The following ANO6 variants were observed in gnomAD, a reference collection of about 807,000 sequenced individuals.
ANO6 encodes the protein anoctamin 6, also known as anoctamin-6.
Under a neutral mutation model 117.5 loss-of-function variants are expected in ANO6, and 106 were observed. That is an observed-to-expected ratio of 0.90 (90% confidence interval 0.77 to 1.06). The LOEUF (loss-of-function observed/expected upper bound fraction) is 1.06. Among genes scored for constraint, ANO6 ranks in the 50% least tolerant of loss-of-function variants. The probability of loss-of-function intolerance (pLI) is 0.00; values close to 1 mark genes in which losing one functional copy is unlikely to be tolerated. For missense variants in ANO6, 955 were observed against 1,121.1 expected (o/e 0.85, Z 2.12); for synonymous variants, 367 against 385.1 (o/e 0.95, Z 0.55).
At chr12:45,402,834 G>C (rs996634292) in intron 13 of ANO6, among the ~76,000 whole-genome samples, 1 of 152,144 alleles carries the variant, frequency 6.6e-6, no homozygotes, top group African/African-American at 2.4e-5. Context: ...TTTTTGTGGG[G>C]CAGGGGGGAA....
At chr12:45,395,476 C>T (rs1286208327) in intron 12 of ANO6, among the ~76,000 whole-genome samples, 1 of 152,122 alleles carries the variant, frequency 6.6e-6, no homozygotes, top group Non-Finnish European at 1.5e-5. Flanking sequence ...AGGGAATCCT[C>T]CCTAACTCAT....
intron 1 of ANO6, among the ~76,000 whole-genome samples, chr12:45,231,132 G>C (rs1947567462): frequency 6.6e-6 from 1 of 152,010 alleles, no homozygotes; most frequent in South Asian, 2.1e-4. Context: ...ATTCTAAAAT[G>C]TTTAATTTTC....
chr12:45,331,135 G>A (rs1940647180), intron 2 of ANO6, among the ~76,000 whole-genome samples, 160 bp from the exon 3 acceptor site: 1 of 151,806 alleles, frequency 6.6e-6, no homozygotes, highest in South Asian at 2.1e-4. Flanking sequence ...GACCATGTTT[G>A]CCATGTCAGT....
intron 2 of ANO6, among the ~76,000 whole-genome samples, chr12:45,304,635 G>A (rs1024783622): frequency 3.3e-5 from 5 of 152,200 alleles, no homozygotes; most frequent in Non-Finnish European, 5.9e-5. Context: ...AGAGCCTAGT[G>A]TTTTTATACA....
At chr12:45,413,340 G>C (rs546047162) in intron 16 of ANO6, among the ~76,000 whole-genome samples, 1 of 152,156 alleles carries the variant, frequency 6.6e-6, no homozygotes, top group Non-Finnish European at 1.5e-5. Flanking sequence ...AGCAGATGAG[G>C]AATAAAATTA....
rs956684838 is a variant in ANO6, at chr12:45,348,646, A to G, written c.747+15A>G. On this transcript the variant is annotated intron_variant, in intron 6 of 19. Coordinates refer to ENST00000320560, the MANE Select transcript of ANO6 (RefSeq NM_001025356.3). ...CACTCCATGATGTAAGTTAAAAGGC[A>G]AAAATGAACTAAAAGGCCTTCTGTA... 6.3e-7 allele frequency: 1 copy of G among 1,591,362 alleles called. No individual in the cohort carries two copies. Among genetic ancestry groups the G allele is most frequent in the Non-Finnish European group, 8.6e-7 (1 of 1,159,276 alleles).
chr12:45,317,530 A>G (rs1476980005), intron 2 of ANO6, among the ~76,000 whole-genome samples: 1 of 151,812 alleles, frequency 6.6e-6, no homozygotes, highest in Non-Finnish European at 1.5e-5. Flanking sequence ...ATTGTTGGAC[A>G]TTTGGGTTGG....
chr12:45,323,668 T>C (rs1393093726), intron 2 of ANO6, among the ~76,000 whole-genome samples: 1 of 152,150 alleles, frequency 6.6e-6, no homozygotes, highest in Non-Finnish European at 1.5e-5. Flanking sequence ...GTCAGTTTAG[T>C]TTTAAAGAGA....
chr12:45,345,192 A>G (rs571960769), intron 3 of ANO6, among the ~76,000 whole-genome samples: 1 of 152,344 alleles, frequency 6.6e-6, no homozygotes, highest in African/African-American at 2.4e-5. Flanking sequence ...CATTTATTAA[A>G]GATATAAAAA....
At chr12:45,395,520 C>G (rs981346359) in intron 12 of ANO6, among the ~76,000 whole-genome samples, 10 of 152,258 alleles carry the variant, frequency 6.6e-5, no homozygotes, top group Non-Finnish European at 1.3e-4. Flanking sequence ...ATATCAAAGC[C>G]TGGCAGAGAC....
chr12:45,367,505 C>T (rs75726092), intron 8 of ANO6, among the ~76,000 whole-genome samples, 183 bp from the exon 9 acceptor site: 11 of 152,218 alleles, frequency 7.2e-5, no homozygotes, highest in East Asian at 5.8e-4. Context: ...TTACTTTCAG[C>T]GTTTTACCAT....
At chr12:45,238,954 T>A (rs1947692865) in intron 1 of ANO6, among the ~76,000 whole-genome samples, 1 of 152,254 alleles carries the variant, frequency 6.6e-6, no homozygotes, top group Non-Finnish European at 1.5e-5. Context: ...AGTATTTTAT[T>A]GAGGATTTCT....
At position 45,248,795 on chromosome 12, in the gene ANO6, A is replaced by G. The variant is rs141295534; in HGVS notation, c.70+32404A>G. 3.8e-3 allele frequency among the ~76,000 whole-genome samples: 572 copies of G among 152,338 alleles called. 2 individuals are homozygous for G. The highest frequency in any genetic ancestry group is 0.013 in the African/African-American group (547 of 41,576). Reference sequence around the variant, plus strand: ...CCTGAAGGAATATGGAGGCAGAATCATTTTAACAAAGGGTTGTGCTACTAA... The same window carrying G: ...CCTGAAGGAATATGGAGGCAGAATCGTTTTAACAAAGGGTTGTGCTACTAA... On this transcript the variant is annotated intron_variant, in intron 1 of 19. Transcript: ENST00000320560.
At chr12:45,424,589 G>A (rs1283869345) in intron 19 of ANO6, among the ~76,000 whole-genome samples, 2 of 151,838 alleles carry the variant, frequency 1.3e-5, no homozygotes, top group East Asian at 1.9e-4. Context: ...TGCCCTCCTC[G>A]GCCTCCCAAA....
intron 2 of ANO6, among the ~76,000 whole-genome samples, chr12:45,319,374 CAT>C (rs1165809264): frequency 6.6e-6 from 1 of 152,100 alleles, no homozygotes; most frequent in African/African-American, 2.4e-5. Context: ...TTGAGATAAT[CAT>C]GTGGTTTTTG....
intron 2 of ANO6, among the ~76,000 whole-genome samples, chr12:45,311,919 A>G (rs1197188452): frequency 2.0e-5 from 3 of 152,038 alleles, no homozygotes; most frequent in Non-Finnish European, 4.4e-5. Context: ...GCATTGCTCC[A>G]TTTTATGTTT....
At chr12:45,278,935 A>T (rs1037864690) in intron 1 of ANO6, among the ~76,000 whole-genome samples, 22 of 152,170 alleles carry the variant, frequency 1.4e-4, no homozygotes, top group African/African-American at 5.3e-4. Context: ...AGTTAATCAG[A>T]CCAAGAGAAA....
Position 45,417,453 on chromosome 12 carries a change from C to G in ANO6, c.2217+549C>G, listed in dbSNP as rs552230207. The stretch of plus-strand genomic sequence containing the variant: ...GTGGGTTTCATCACCCTTCCCACCC[C>G]ACCCTTAGGTCTTTGCTCACCATGC... On this transcript the variant is annotated intron_variant, in intron 17 of 19. Coordinates refer to ENST00000320560, the MANE Select transcript of ANO6 (RefSeq NM_001025356.3). Among the ~76,000 whole-genome samples the G allele has an allele frequency of 1.1e-3, 163 of 152,294 alleles. 1 individual carries two copies. Among genetic ancestry groups the G allele is most frequent in the Non-Finnish European group, 1.5e-3 (102 of 68,032 alleles).
downstream of ANO6, among the ~76,000 whole-genome samples, chr12:45,436,727 G>A (rs1943710999): frequency 6.6e-6 from 1 of 152,190 alleles, no homozygotes; most frequent in Non-Finnish European, 1.5e-5. Flanking sequence ...CAGCACTTTG[G>A]GAGGCCGAGG....
Sources: allele counts gnomAD v4.1 joint callset (sites outside exome capture counted in the v4.1 genomes callset), GRCh38; gene constraint gnomAD v4.1.1; transcripts MANE v1.5; gene names NCBI Gene and HGNC (gene_info 2026-07-23, HGNC 2026-07-21).